PLCB2: variants seen among roughly 807,000 people sequenced by gnomAD.
The protein encoded by PLCB2 is 1-phosphatidylinositol 4,5-bisphosphate phosphodiesterase beta-2.
In PLCB2, 115 loss-of-function variants were observed where a neutral mutation model predicts 141.7. The ratio of observed to expected loss-of-function variants is 0.81; its 90% CI spans 0.70 to 0.95. The LOEUF (loss-of-function observed/expected upper bound fraction) is 0.95. Ranked by LOEUF, PLCB2 falls within the 40% of genes least tolerant of loss-of-function variation. The pLI is 0.00. For missense variants in PLCB2, 1,403 were observed against 1,541.1 expected (o/e 0.91, Z 1.50); for synonymous variants, 603 against 595.6 (o/e 1.01, Z -0.18).
rs972727387 is a variant in PLCB2, at chr15:40,290,970, T to C, written c.3036+48A>G. 4.8e-6 allele frequency: 4 copies of C among 835,072 alleles called. No individual in the cohort carries two copies. The Admixed American group carries it at 1.3e-4, about 28-fold the overall frequency. The allele number at this position is 835,072 out of a possible 1,614,324, so 51.7% of individuals were successfully genotyped here. A position where few individuals can be genotyped will look rare whatever the true frequency, so the allele number is the denominator to read the frequency against. On this transcript the variant is annotated intron_variant, in intron 27 of 31. Coordinates refer to ENST00000260402, the MANE Select transcript of PLCB2 (RefSeq NM_004573.3). The stretch of plus-strand genomic sequence containing the variant: ...AGGGGCGAATGGGGTCCATGGGGGG[T>C]GGGGTCGGTGGGGCTGGTGGGGTTG...
At chr15:40,305,175 C>CTTT (rs11320842) in intron 1 of PLCB2, among the ~76,000 whole-genome samples, 10 of 134,766 alleles carry the variant, frequency 7.4e-5, no homozygotes, top group Admixed American at 1.5e-4. Context: ...TTTGTGATCT[C>CTTT]TTTTTTTTTT....
Position 40,307,595 on chromosome 15 carries a change from C to A in PLCB2, c.78G>T (p.Trp26Cys). 6.3e-7 allele frequency: 1 copy of A among 1,584,462 alleles called. No individual in the cohort carries two copies. Among genetic ancestry groups the A allele is most frequent in the Non-Finnish European group, 8.6e-7 (1 of 1,162,202 alleles). ...YLSQGERFIK[W>C]DDETTVASPV... ...AGGCCCCTGCCCCACTTACATCATC[C>A]CATTTGATGAAGCGCTCCCCTTGGC... The change falls in exon 1 of 32, where the codon TGG (tryptophan) becomes TGT (cysteine). Residue 26 changes from tryptophan (W) to cysteine (C), a missense_variant. Transcript: ENST00000260402.
intron 15 of PLCB2, 25 bp downstream of exon 15, chr15:40,296,497 G>A (rs772685997): frequency 3.7e-6 from 6 of 1,613,782 alleles, no homozygotes; most frequent in East Asian, 4.5e-5. Context: ...ATGACACAGA[G>A]GGGCCTGGGG....
intron 7 of PLCB2, 64 bp from the exon 8 acceptor site, chr15:40,299,292 G>C (rs944057263): frequency 8.8e-7 from 1 of 1,133,788 alleles, no homozygotes; most frequent in East Asian, 2.4e-5. Flanking sequence ...CCACAAACTC[G>C]GCCCAGCCCT....
downstream of PLCB2, chr15:40,285,603 T>G: frequency 1.0e-6 from 1 of 985,352 alleles, no homozygotes; most frequent in Non-Finnish European, 1.2e-6. Context: ...GGATAGAGAC[T>G]CTCCACCCCC....
chr15:40,290,754 G>T lies in PLCB2; in HGVS notation c.3113+7C>A. 1 of 1,613,356 alleles carries T rather than the reference G, an allele frequency of 6.2e-7. No individual in the cohort carries two copies. The highest frequency in any genetic ancestry group is 8.5e-7 in the Non-Finnish European group (1 of 1,179,434). Reference sequence around the variant, plus strand: ...GCGAAGCAGGTGTGGGAGGGAGGCAGTCGTACTTCTCCGACGTCTCCTTCA... The same window carrying T: ...GCGAAGCAGGTGTGGGAGGGAGGCATTCGTACTTCTCCGACGTCTCCTTCA... On this transcript the variant is annotated splice_region_variant and intron_variant, in intron 28 of 31. Coordinates refer to ENST00000260402, the MANE Select transcript of PLCB2 (RefSeq NM_004573.3).
At chr15:40,303,818 G>T in intron 2 of PLCB2, 183 bp downstream of exon 2, 1 of 570,270 alleles carries the variant, frequency 1.8e-6, no homozygotes. Context: ...CCACAGGTTG[G>T]AGTGACTGCA....
Position 40,292,112 on chromosome 15 carries a change from A to G in PLCB2, c.2478T>C (p.His826=), listed in dbSNP as rs780298262. 18 of 1,614,102 alleles carry G rather than the reference A, an allele frequency of 1.1e-5. No individual in the cohort carries two copies. In the Admixed American group the frequency reaches 1.2e-4, roughly 10 times the overall value. The change falls in exon 23 of 32, where the codon CAT becomes CAC. Residue 826 remains histidine (H), a synonymous_variant. Coordinates refer to ENST00000260402, the MANE Select transcript of PLCB2 (RefSeq NM_004573.3). ...CCTTGAGCTTCACAGACTTCGTGTC[A>G]TGGGCACTGAAGAACTTAATGGGGT... The part of the protein sequence containing the change: ...LANPIKFFSA[H]DTKSVKLKEA...
intron 30 of PLCB2, 147 bp from the exon 31 acceptor site, chr15:40,289,505 A>T (rs1231374351): frequency 3.1e-6 from 2 of 652,268 alleles, no homozygotes; most frequent in Admixed American, 4.9e-5. Context: ...AGATAAGGAT[A>T]GCAGCACCTG....
At chr15:40,284,836 CAAAAAAAAAAAA>C (rs56397946), downstream of PLCB2, among the ~76,000 whole-genome samples, 30 of 74,866 alleles carry the variant, frequency 4.0e-4, no homozygotes, top group South Asian at 1.2e-3. Flanking sequence ...GAGACTCCGT[CAAAAAAAAAAAA>C]AAAAAAAAAA....
At position 40,288,717 on chromosome 15, in the gene PLCB2, A is replaced by G; in HGVS notation, c.3556T>C (p.Ter1186ArgextTer32). ...AKADAQESRL[*>R] The stretch of plus-strand genomic sequence containing the variant: ...AATGTCCCAGTGGGATGGGGGCATC[A>G]GAGGCGGCTCTCCTGGGCATCTGCC... Residue 1186 changes from the stop codon to arginine (R), a stop_lost, in exon 32 of 32, where the codon TGA (stop) becomes CGA (arginine). Coordinates refer to ENST00000260402, the MANE Select transcript of PLCB2 (RefSeq NM_004573.3). 5 of 1,584,668 alleles carry G rather than the reference A, an allele frequency of 3.2e-6. No homozygotes were observed. The South Asian group carries it at 5.6e-5, about 18-fold the overall frequency.
intron 31 of PLCB2, 61 bp downstream of exon 31, chr15:40,289,211 G>T (rs1166143050): frequency 3.5e-6 from 5 of 1,434,340 alleles, no homozygotes; most frequent in African/African-American, 1.4e-5. Flanking sequence ...CTGGGGCAAG[G>T]CCCCTTTACA....
intron 2 of PLCB2, 164 bp downstream of exon 2, chr15:40,303,837 T>G (rs1466055162): frequency 1.7e-6 from 1 of 584,204 alleles, no homozygotes; most frequent in Admixed American, 2.9e-5. Flanking sequence ...CATCCTCCTT[T>G]CCAGAGCAAA....
chr15:40,290,901 G>C (rs1425623411), intron 27 of PLCB2, 64 bp from the exon 28 acceptor site: 3 of 1,333,948 alleles, frequency 2.2e-6, no homozygotes, highest in Non-Finnish European at 3.1e-6. Context: ...TACGGGGGGC[G>C]GGGGTCGGTG....
intron 11 of PLCB2, 79 bp downstream of exon 11, chr15:40,298,144 C>T: frequency 7.0e-7 from 1 of 1,431,286 alleles, no homozygotes; most frequent in Non-Finnish European, 9.5e-7. Context: ...CTAGCTTCAG[C>T]CCTCCAACCC....
Position 40,295,258 on chromosome 15 carries a change from G to A in PLCB2, c.1724C>T (p.Ser575Phe). 2 of 1,613,680 alleles carry A rather than the reference G, an allele frequency of 1.2e-6. No homozygotes were observed. The highest frequency in any genetic ancestry group is 1.7e-6 in the Non-Finnish European group (2 of 1,179,592). Residue 575 changes from serine to phenylalanine, a missense_variant, in exon 17 of 32, where the codon TCC (serine) becomes TTC (phenylalanine). Ser to Phe is a radical substitution (Grantham distance 155). Around this residue, in one of 4 missense-constraint regions of PLCB2, gnomAD observed 975 missense variants for 1,141.1 expected, o/e 0.85. Coordinates refer to ENST00000260402, the MANE Select transcript of PLCB2 (RefSeq NM_004573.3). ...GTCATATGCCTTGAGCTCTGTGAAG[G>A]ACGAGATGACATAACTTCGGTTCTT... ...AQKNRSYVIS[S>F]FTELKAYDLL...
intron 1 of PLCB2, among the ~76,000 whole-genome samples, chr15:40,304,607 C>T (rs2040701338): frequency 6.6e-6 from 1 of 152,164 alleles, no homozygotes. Flanking sequence ...AGCCCCCCAA[C>T]TTCTGAAAAC....
intron 13 of PLCB2, 73 bp from the exon 14 acceptor site, chr15:40,296,981 A>C (rs923087987): frequency 6.6e-7 from 1 of 1,510,850 alleles, no homozygotes. Flanking sequence ...ATTACCAGGC[A>C]TGCTCCCTCG....
chr15:40,300,998 C>T (rs11636491), intron 7 of PLCB2: 51,484 of 152,644 alleles, frequency 0.34, 9,249 homozygotes, highest in Middle Eastern at 0.39. Context: ...GGAGCTCAGG[C>T]AGCAGGAGAG....
Sources: allele counts gnomAD v4.1 joint callset (sites outside exome capture counted in the v4.1 genomes callset), GRCh38; gene constraint gnomAD v4.1.1; regional missense constraint gnomAD v4.1.1; transcripts MANE v1.5; gene names NCBI Gene and HGNC (gene_info 2026-07-23, HGNC 2026-07-21).